The following ELK4 variants were observed in gnomAD, a reference collection of about 807,000 sequenced individuals.
ELK4 encodes ETS domain-containing protein Elk-4.
Under a neutral mutation model 29.6 loss-of-function variants are expected in ELK4, and 16 were observed. The observed-to-expected ratio is 0.54, with a 90% CI of 0.37 to 0.82. The LOEUF (loss-of-function observed/expected upper bound fraction) is 0.82. Ranked by LOEUF, ELK4 falls within the 40% of genes least tolerant of loss-of-function variation. The probability of loss-of-function intolerance (pLI) is 0.00; values close to 1 mark genes in which losing one functional copy is unlikely to be tolerated. For missense variants in ELK4, 465 were observed against 507.1 expected (o/e 0.92, Z 0.80); for synonymous variants, 213 against 191.1 (o/e 1.11, Z -0.95).
chr1:205,630,914 C>G (rs1670570041), intron 1 of ELK4, among the ~76,000 whole-genome samples: 1 of 152,200 alleles, frequency 6.6e-6, no homozygotes, highest in Non-Finnish European at 1.5e-5. Flanking sequence ...TCTGATGAGG[C>G]ATAGAACTCC....
chr1:205,618,984 T>C lies in ELK4; in HGVS notation c.1170A>G (p.Arg390=). ...LSPVAPLSPA[R]LQGANTLFQF... is the part of the protein sequence containing the mutation. Reference sequence around the variant, plus strand: ...GGAAAAGTGTGTTAGCACCTTGCAGTCTGGCTGGACTTAGGGGAGCAACAG... The same window carrying C: ...GGAAAAGTGTGTTAGCACCTTGCAGCCTGGCTGGACTTAGGGGAGCAACAG... Residue 390 remains arginine, a synonymous_variant, in exon 4 of 5, where the codon AGA becomes AGG. Coordinates refer to ENST00000357992, the MANE Select transcript of ELK4 (RefSeq NM_001973.4). 2 of 1,611,250 alleles carry C rather than the reference T, an allele frequency of 1.2e-6. No individual in the cohort carries two copies. Among genetic ancestry groups the C allele is most frequent in the South Asian group, 2.2e-5 (2 of 90,338 alleles).
At chr1:205,619,245 G>T in intron 3 of ELK4, 172 bp from the exon 4 acceptor site, 1 of 1,070,208 alleles carries the variant, frequency 9.3e-7, no homozygotes, top group Non-Finnish European at 1.2e-6. Context: ...CAAACTAAGA[G>T]GGATAAAGGT....
intron 1 of ELK4, chr1:205,625,675 GCTT>G (rs909840708): frequency 8.5e-6 from 7 of 825,974 alleles, no homozygotes; most frequent in East Asian, 4.9e-5. Flanking sequence ...TGCTGCTGCT[GCTT>G]CTTTTTTTTT....
intron 3 of ELK4, chr1:205,619,423 C>T (rs1670289268): frequency 2.8e-6 from 3 of 1,059,000 alleles, no homozygotes; most frequent in Non-Finnish European, 3.4e-6. Flanking sequence ...GAAAAACCAA[C>T]CTGAATTCAG....
chr1:205,627,854 T>TGTA (rs1405628817), intron 1 of ELK4, among the ~76,000 whole-genome samples: 4 of 152,204 alleles, frequency 2.6e-5, no homozygotes, highest in African/African-American at 9.6e-5. Context: ...ACTTTGAAGC[T>TGTA]GGTTGTACAG....
chr1:205,619,900 C>A, intron 3 of ELK4, 66 bp downstream of exon 3: 1 of 1,614,092 alleles, frequency 6.2e-7, no homozygotes, highest in Non-Finnish European at 8.5e-7. Flanking sequence ...TGTATAAATT[C>A]TGGATTTGCT....
At chr1:205,629,170 CAA>C (rs61374496) in intron 1 of ELK4, among the ~76,000 whole-genome samples, 74 of 92,272 alleles carry the variant, frequency 8.0e-4, no homozygotes, top group Non-Finnish European at 9.5e-4. Flanking sequence ...GACTACGTCT[CAA>C]AAAAAAAAAA....
Position 205,610,775 on chromosome 1 carries a change from G to GCGCA in ELK4, c.*5770_*5771insTGCG, listed in dbSNP as rs369782824. Reference sequence around the variant, plus strand: ...TCCCTATGAAAACAGATTTACACGCGCACACACACACACACACACATTCAG... The same window carrying GCGCA: ...TCCCTATGAAAACAGATTTACACGCGCGCACACACACACACACACACACATTCAG... On this transcript the variant is annotated 3_prime_UTR_variant, in exon 5 of 5. Transcript: ENST00000357992. 86 of 217,414 alleles carry GCGCA rather than the reference G, an allele frequency of 4.0e-4. No homozygotes were observed. The highest frequency in any genetic ancestry group is 1.8e-3 in the African/African-American group (80 of 44,192). 13.5% of individuals were successfully genotyped at this position (217,414 alleles called of 1,614,324 possible).
chr1:205,623,477 CG>C (rs112181732), intron 2 of ELK4, among the ~76,000 whole-genome samples, 198 bp downstream of exon 2: 84 of 151,756 alleles, frequency 5.5e-4, no homozygotes, highest in African/African-American at 3.1e-4. Flanking sequence ...GCCCAGCTAA[CG>C]TTTTTTTTGT....
At chr1:205,621,149 C>G (rs1207507870) in intron 2 of ELK4, among the ~76,000 whole-genome samples, 1 of 130,682 alleles carries the variant, frequency 7.7e-6, no homozygotes, top group Middle Eastern at 4.9e-3. Flanking sequence ...GAGCCAAGAT[C>G]ACACCACTGC....
chr1:205,626,867 T>C (rs1458198537), intron 1 of ELK4, among the ~76,000 whole-genome samples: 1 of 152,210 alleles, frequency 6.6e-6, no homozygotes, highest in Non-Finnish European at 1.5e-5. Context: ...CATAGCAGAA[T>C]TATTCATAAC....
intron 1 of ELK4, 137 bp downstream of exon 1, chr1:205,631,495 G>A (rs1426003746): frequency 5.4e-5 from 8 of 147,196 alleles, no homozygotes; most frequent in Non-Finnish European, 3.0e-5. Flanking sequence ...CGGACCCAAG[G>A]GGAGCGCGCG....
rs1670107485 is a variant in ELK4, at chr1:205,608,665, C to CT, written c.*7880dup. The CT allele has an allele frequency of 5.1e-6, 1 of 195,440 alleles. No homozygotes were observed. The highest frequency in any genetic ancestry group is 1.9e-4 in the South Asian group (1 of 5,196). The allele number at this position is 195,440 out of a possible 1,614,324, so 12.1% of individuals were successfully genotyped here. On this transcript the variant is annotated 3_prime_UTR_variant, in exon 5 of 5. Coordinates refer to ENST00000357992, the MANE Select transcript of ELK4 (RefSeq NM_001973.4). ...CAACTAAGACGAGCTATTATTAACA[C>CT]TTTAACAGTTATCCATTCCTCTGGG...
chr1:205,622,916 T>A (rs1295010341), intron 2 of ELK4, among the ~76,000 whole-genome samples: 1 of 152,104 alleles, frequency 6.6e-6, no homozygotes, highest in African/African-American at 2.4e-5. Context: ...GGCAGGTGGA[T>A]CACCTCAAGT....
At position 205,623,657 on chromosome 1, in the gene ELK4, A is replaced by G; in HGVS notation, c.207+19T>C. ...GTCTGGAGGTTCTCTGTATAGTATA[A>G]GATCAGGATGTGTACTACCTTTACA... is the stretch of plus-strand genomic sequence containing the variant. On this transcript the variant is annotated intron_variant, in intron 2 of 4. Coordinates refer to ENST00000357992, the MANE Select transcript of ELK4 (RefSeq NM_001973.4). 6.2e-7 allele frequency: 1 copy of G among 1,612,956 alleles called. No homozygotes were observed.
intron 1 of ELK4, among the ~76,000 whole-genome samples, chr1:205,624,732 G>A (rs1670419527): frequency 6.6e-6 from 1 of 152,114 alleles, no homozygotes; most frequent in Non-Finnish European, 1.5e-5. Flanking sequence ...GTACACTGCA[G>A]TTTGTCTAAC....
intron 1 of ELK4, among the ~76,000 whole-genome samples, chr1:205,624,572 G>A (rs1040977351): frequency 1.3e-5 from 2 of 152,160 alleles, no homozygotes; most frequent in Non-Finnish European, 2.9e-5. Flanking sequence ...CCTTTGATTA[G>A]CAATCTTTAT....
At chr1:205,626,891 A>G (rs919153161) in intron 1 of ELK4, among the ~76,000 whole-genome samples, 23 of 152,342 alleles carry the variant, frequency 1.5e-4, no homozygotes, top group African/African-American at 5.3e-4. Flanking sequence ...TAAAAAGTAG[A>G]AACAAACTAA....
rs1178158937 is a variant in ELK4, at chr1:205,612,814, TAA to T, written c.*3730_*3731del. 4.8e-6 allele frequency: 1 copy of T among 206,840 alleles called. No individual in the cohort carries two copies. Among genetic ancestry groups the T allele is most frequent in the Non-Finnish European group, 9.9e-6 (1 of 101,470 alleles). 12.8% of individuals were successfully genotyped at this position (206,840 alleles called of 1,614,324 possible). On this transcript the variant is annotated 3_prime_UTR_variant, in exon 5 of 5. Coordinates refer to ENST00000357992, the MANE Select transcript of ELK4 (RefSeq NM_001973.4). ...CAGAATTCCAAACCTCTGATTTACTTAAGTCAGTCTTGACTTTTAAAATCTGT... is the reference window on the plus strand; with the variant it reads ...CAGAATTCCAAACCTCTGATTTACTTGTCAGTCTTGACTTTTAAAATCTGT...
Sources: gnomAD v4.1 joint callset for allele counts (sites outside exome capture counted in the v4.1 genomes callset) on GRCh38, gnomAD v4.1.1 for gene constraint, MANE v1.5 for transcripts, NCBI Gene and HGNC (gene_info 2026-07-23, HGNC 2026-07-21) for gene names.